The following STK32B variants were observed in gnomAD, a reference collection of about 807,000 sequenced individuals.
The protein encoded by STK32B is serine/threonine kinase 32B, also known as serine/threonine-protein kinase 32B.
Under a neutral mutation model 52.6 loss-of-function variants are expected in STK32B, and 43 were observed. That is an observed-to-expected ratio of 0.82 (90% CI 0.64 to 1.05). STK32B has a LOEUF of 1.05. STK32B is among the 50% of genes least tolerant of loss of function. The pLI is 0.00. For missense variants in STK32B, 621 were observed against 534.6 expected (o/e 1.16, Z -1.59); for synonymous variants, 238 against 204.3 (o/e 1.17, Z -1.41).
In STK32B at chr4:5,254,565, A is replaced by T. The variant is rs972640280; in HGVS notation, c.261-76655A>T. On this transcript the variant is annotated intron_variant, in intron 3 of 11. Coordinates refer to ENST00000282908, the MANE Select transcript of STK32B (RefSeq NM_018401.3). ...GGTTTTATGTAAGTTTTAATATGCC[A>T]TGTATTCATTATAGGTGAGTTCAGA... is the stretch of plus-strand genomic sequence containing the variant. Among the ~76,000 whole-genome samples the T allele has an allele frequency of 1.3e-4, 20 of 152,302 alleles. No individual in the cohort carries two copies. The South Asian group carries it at 3.7e-3, about 28-fold the overall frequency.
At chr4:5,116,698 T>G (rs939568909) in intron 1 of STK32B, among the ~76,000 whole-genome samples, 2 of 152,236 alleles carry the variant, frequency 1.3e-5, no homozygotes, top group African/African-American at 4.8e-5. Flanking sequence ...CTTTGGAATT[T>G]TGATAGAAAT....
At position 5,399,820 on chromosome 4, in the gene STK32B, C is replaced by T. The variant is rs1002022163; in HGVS notation, c.472+1576C>T. On this transcript the variant is annotated intron_variant, in intron 5 of 11. Transcript: ENST00000282908. The surrounding 1 kb of genome is among the most constrained non-coding windows in gnomAD (Gnocchi z 5.4). ...CCACCCATCACAGTATGCAAGCGCT[C>T]GGGAAGGGGTAGATAACTCGCCCTC... Among the ~76,000 whole-genome samples, 2 of 152,102 alleles carry T rather than the reference C, an allele frequency of 1.3e-5. No homozygotes were observed. The highest frequency in any genetic ancestry group is 4.8e-5 in the African/African-American group (2 of 41,426).
chr4:5,390,798 A>C (rs140058602), intron 4 of STK32B, among the ~76,000 whole-genome samples: 1 of 152,148 alleles, frequency 6.6e-6, no homozygotes, highest in African/African-American at 2.4e-5. Flanking sequence ...ATGTTGGTAC[A>C]ATTGGTTCTC....
At position 5,499,436 on chromosome 4, in the gene STK32B, A is replaced by C. The variant is rs951952878; in HGVS notation, c.*353A>C. 1.9e-5 allele frequency: 4 copies of C among 212,390 alleles called. No homozygotes were observed. Among genetic ancestry groups the C allele is most frequent in the African/African-American group, 9.1e-5 (4 of 43,770 alleles). 13.2% of individuals were successfully genotyped at this position (212,390 alleles called of 1,614,324 possible). A position where few individuals can be genotyped will look rare whatever the true frequency, so the allele number is the denominator to read the frequency against. ...ATTTTTACGTGCAAAATATAACCTTAATATTTGAAGTGACCCCCATTCCCC... is the reference window on the plus strand; with the variant it reads ...ATTTTTACGTGCAAAATATAACCTTCATATTTGAAGTGACCCCCATTCCCC... On this transcript the variant is annotated 3_prime_UTR_variant, in exon 12 of 12. Transcript: ENST00000282908.
At chr4:5,264,679 C>T (rs778498678) in intron 3 of STK32B, among the ~76,000 whole-genome samples, 108 of 151,706 alleles carry the variant, frequency 7.1e-4, no homozygotes, top group Non-Finnish European at 1.2e-3. Context: ...CCCAGCTGCT[C>T]GGGAGGCTGA....
Position 5,464,177 on chromosome 4 carries a change from C to T in STK32B, c.910-2526C>T, listed in dbSNP as rs571525032. ...CAGAGCTCACTCACTATTGTGAGGA[C>T]AGCACCTAGCCATGAGGGATCCGTC... On this transcript the variant is annotated intron_variant, in intron 9 of 11. Coordinates refer to ENST00000282908, the MANE Select transcript of STK32B (RefSeq NM_018401.3). 4.6e-5 allele frequency among the ~76,000 whole-genome samples: 7 copies of T among 152,318 alleles called. No individual in the cohort carries two copies. The South Asian group carries it at 1.5e-3, about 32-fold the overall frequency.
At chr4:5,323,695 T>G (rs1560320096) in intron 3 of STK32B, among the ~76,000 whole-genome samples, 1 of 152,156 alleles carries the variant, frequency 6.6e-6, no homozygotes, top group Non-Finnish European at 1.5e-5. Context: ...AGAATATGGG[T>G]GTTTCAGGCG....
intron 3 of STK32B, among the ~76,000 whole-genome samples, chr4:5,249,433 T>TCCTACCTA (rs1200722426): frequency 7.2e-6 from 1 of 138,496 alleles, no homozygotes; most frequent in Non-Finnish European, 1.6e-5. Flanking sequence ...CTTCCTTCCT[T>TCCTACCTA]CCTACCTACC....
rs192099784 is a variant in STK32B at position 5,251,097 on chromosome 4, A to C, written c.261-80123A>C. On this transcript the variant is annotated intron_variant, in intron 3 of 11. Coordinates refer to ENST00000282908, the MANE Select transcript of STK32B (RefSeq NM_018401.3). ...ATTTGTCAATTTTGGTTTTGTTGCA[A>C]TTGCTTTTGGCATCTTCATCATGAA... Among the ~76,000 whole-genome samples, 21 of 152,262 alleles carry C rather than the reference A, an allele frequency of 1.4e-4. No individual in the cohort carries two copies. The South Asian group carries it at 4.4e-3, about 32-fold the overall frequency.
chr4:5,209,418 G>C (rs1374620), intron 3 of STK32B, among the ~76,000 whole-genome samples: 114,254 of 151,864 alleles, frequency 0.75, 43,799 homozygotes, highest in East Asian at 0.91. Context: ...GAGATGGGGT[G>C]TTGCTATGTT....
At chr4:5,081,365 C>T (rs1712418770) in intron 1 of STK32B, among the ~76,000 whole-genome samples, 1 of 152,112 alleles carries the variant, frequency 6.6e-6, no homozygotes, top group Non-Finnish European at 1.5e-5. Context: ...GGTTCAACTA[C>T]TTGAAACCTT....
the STK32B span, among the ~76,000 whole-genome samples, chr4:5,035,864 C>G: frequency 6.6e-6 from 1 of 151,586 alleles, no homozygotes; most frequent in African/African-American, 2.4e-5. Context: ...TCACTGCAAC[C>G]TCTGCCTCCC....
chr4:5,209,996 A>G (rs553760625), intron 3 of STK32B, among the ~76,000 whole-genome samples: 81 of 152,346 alleles, frequency 5.3e-4, no homozygotes, highest in African/African-American at 1.8e-3. Flanking sequence ...CTAGAGGCCA[A>G]CTGCCTGATT....
At chr4:5,232,100 C>T (rs1023414355) in intron 3 of STK32B, among the ~76,000 whole-genome samples, 1 of 152,080 alleles carries the variant, frequency 6.6e-6, no homozygotes, top group African/African-American at 2.4e-5. Context: ...CAGCCCAGCC[C>T]AGACATTTCT....
the STK32B span, among the ~76,000 whole-genome samples, chr4:5,033,257 G>A: frequency 1.6e-4 from 24 of 152,238 alleles, no homozygotes; most frequent in South Asian, 4.1e-3. Flanking sequence ...GTGATACGGC[G>A]TCCACAGCTG....
intron 3 of STK32B, among the ~76,000 whole-genome samples, chr4:5,250,957 A>C (rs1386817480): frequency 6.6e-6 from 1 of 152,218 alleles, no homozygotes; most frequent in African/African-American, 2.4e-5. Flanking sequence ...CCTGGATATT[A>C]GACCTTTGTC....
intron 4 of STK32B, among the ~76,000 whole-genome samples, chr4:5,336,979 G>T (rs1732746404): frequency 6.6e-6 from 1 of 152,034 alleles, no homozygotes; most frequent in African/African-American, 2.4e-5. Flanking sequence ...TTTTGTTTTT[G>T]TTTTTGTTTT....
chr4:5,451,145 G>C (rs933492294), intron 7 of STK32B, among the ~76,000 whole-genome samples: 2 of 152,184 alleles, frequency 1.3e-5, no homozygotes, highest in African/African-American at 4.8e-5. Context: ...GGATTATTGT[G>C]CAAATAAGTA....
rs771635904 is a variant in STK32B at position 5,434,450 on chromosome 4, GTGTGTATA to G, written c.563-12221_563-12214del. ...TGCATGTATGTGTGTGTGTGTGTGT[GTGTGTATA>G]TATATATATATATATGATTTTTATA... On this transcript the variant is annotated intron_variant, in intron 6 of 11. Coordinates refer to ENST00000282908, the MANE Select transcript of STK32B (RefSeq NM_018401.3). Among the ~76,000 whole-genome samples, 217 of 103,362 alleles carry G rather than the reference GTGTGTATA, an allele frequency of 2.1e-3. 1 individual carries two copies. The highest frequency in any genetic ancestry group is 6.0e-3 in the African/African-American group (180 of 30,164). The allele number at this position is 103,362 out of a possible 152,430, so 67.8% of individuals were successfully genotyped here.
Sources: gnomAD v4.1 joint callset for allele counts (sites outside exome capture counted in the v4.1 genomes callset) on GRCh38, gnomAD v4.1.1 for gene constraint, Gnocchi (gnomAD v3.1) non-coding constraint, MANE v1.5 for transcripts, NCBI Gene and HGNC (gene_info 2026-07-23, HGNC 2026-07-21) for gene names.